DGKG: variants seen among roughly 807,000 people sequenced by gnomAD.
DGKG encodes diacylglycerol kinase gamma.
DGKG carries 78 observed loss-of-function variants against 105.3 expected under a neutral mutation model. The observed-to-expected ratio is 0.74, with a 90% CI of 0.62 to 0.89. The LOEUF (loss-of-function observed/expected upper bound fraction) is 0.89. Among genes scored for constraint, DGKG ranks in the 40% least tolerant of loss-of-function variants. The pLI is 0.00. For missense variants in DGKG, 958 were observed against 1,020.1 expected, an observed-to-expected ratio of 0.94 and a Z score of 0.83; for synonymous variants, 346 against 367.1, an observed-to-expected ratio of 0.94 and a Z score of 0.66.
In DGKG at chr3:186,361,348, A is replaced by C. The variant is rs1727219486; in HGVS notation, c.-249+598T>G. ...TACGCACTCCTCAGGACACAAGCAC[A>C]CACACGGACACATCTTGTGACTCTG... On this transcript the variant is annotated intron_variant, in intron 1 of 24. Transcript: ENST00000265022. This position sits in a 1 kb window ranked among gnomAD's most constrained non-coding sequence, Gnocchi z 6.8. Among the ~76,000 whole-genome samples the C allele has an allele frequency of 6.6e-6, 1 of 151,980 alleles. No individual in the cohort carries two copies. The highest frequency in any genetic ancestry group is 3.2e-3 in the Middle Eastern group (1 of 316).
chr3:186,292,810 A>T (rs930069935), intron 5 of DGKG, among the ~76,000 whole-genome samples: 8 of 152,032 alleles, frequency 5.3e-5, no homozygotes, highest in African/African-American at 1.9e-4. Context: ...TCCATCTCAA[A>T]AAAAAAAAGA....
chr3:186,304,362 C>T (rs1014720074), intron 3 of DGKG, among the ~76,000 whole-genome samples: 4 of 152,234 alleles, frequency 2.6e-5, no homozygotes, highest in African/African-American at 9.6e-5. Flanking sequence ...CCTGTTCTGG[C>T]AACCTTCTTC....
intron 17 of DGKG, among the ~76,000 whole-genome samples, chr3:186,254,428 T>G (rs1422031077): frequency 3.9e-5 from 6 of 152,124 alleles, no homozygotes; most frequent in Admixed American, 3.9e-4. Flanking sequence ...AGAACATGTG[T>G]TCAGAGCACT....
chr3:186,328,225 G>A (rs1725440323), intron 1 of DGKG, among the ~76,000 whole-genome samples: 1 of 152,274 alleles, frequency 6.6e-6, no homozygotes, highest in Non-Finnish European at 1.5e-5. Flanking sequence ...GAGCAAATTT[G>A]CCTGTTCTCC....
At chr3:186,292,841 T>C (rs941908738) in intron 5 of DGKG, among the ~76,000 whole-genome samples, 2 of 151,878 alleles carry the variant, frequency 1.3e-5, no homozygotes, top group Non-Finnish European at 2.9e-5. Flanking sequence ...TCCCAGATTA[T>C]CTATACAATA....
chr3:186,345,204 G>C (rs558170070), intron 1 of DGKG, among the ~76,000 whole-genome samples: 39 of 152,050 alleles, frequency 2.6e-4, no homozygotes, highest in Non-Finnish European at 5.1e-4. Flanking sequence ...TCAATAAAAT[G>C]ACTTCTGCTT....
intron 21 of DGKG, among the ~76,000 whole-genome samples, chr3:186,206,745 C>CA (rs889732338): frequency 3.3e-5 from 5 of 149,960 alleles, no homozygotes; most frequent in African/African-American, 1.3e-4. Context: ...ATGCTGGCTT[C>CA]TTTTTTGTTT....
chr3:186,278,140 C>T (rs1722668024), intron 9 of DGKG, among the ~76,000 whole-genome samples: 1 of 152,094 alleles, frequency 6.6e-6, no homozygotes, highest in Admixed American at 6.5e-5. Flanking sequence ...TGCCACAAGA[C>T]AGCGGGTCTT....
intron 1 of DGKG, among the ~76,000 whole-genome samples, chr3:186,347,486 A>G (rs1297829910): frequency 4.7e-5 from 7 of 150,512 alleles, no homozygotes; most frequent in Admixed American, 1.3e-4. Context: ...TGATTAAACC[A>G]TTCACACTTA....
chr3:186,288,208 CG>C (rs200342639), intron 6 of DGKG, among the ~76,000 whole-genome samples: 3 of 151,894 alleles, frequency 2.0e-5, no homozygotes, highest in Admixed American at 6.6e-5. Flanking sequence ...CTTGGGGTGG[CG>C]GGGGGGCATA....
At chr3:186,313,980 A>G (rs1724683357) in intron 2 of DGKG, among the ~76,000 whole-genome samples, 3 of 152,302 alleles carry the variant, frequency 2.0e-5, no homozygotes, top group East Asian at 3.9e-4. Flanking sequence ...GGTTCTACAT[A>G]TCAGCCCTAA....
chr3:186,212,527 T>G (rs1222566677), intron 20 of DGKG, among the ~76,000 whole-genome samples: 1 of 152,194 alleles, frequency 6.6e-6, no homozygotes, highest in Non-Finnish European at 1.5e-5. Flanking sequence ...ATGGCAATCC[T>G]TCAGTTAAGG....
chr3:186,251,984 T>G, intron 18 of DGKG, 65 bp from the exon 19 acceptor site: 4 of 1,468,102 alleles, frequency 2.7e-6, no homozygotes, highest in Non-Finnish European at 3.6e-6. Flanking sequence ...AATGCACAGG[T>G]AGTTGTCAGG....
intron 16 of DGKG, 103 bp downstream of exon 16, chr3:186,260,336 C>A: frequency 1.2e-6 from 1 of 822,820 alleles, no homozygotes; most frequent in Non-Finnish European, 2.0e-6. Context: ...CAGGAAGGAA[C>A]AAGTTGAGAG....
intron 22 of DGKG, among the ~76,000 whole-genome samples, chr3:186,187,308 C>T (rs568965704): frequency 2.0e-4 from 31 of 152,294 alleles, no homozygotes; most frequent in Middle Eastern, 3.4e-3. Flanking sequence ...GGTGGTGAGA[C>T]GTGGTTGAAT....
In DGKG at chr3:186,300,845, C is replaced by T. The variant is rs995844253; in HGVS notation, c.145-2616G>A. 7.2e-5 allele frequency among the ~76,000 whole-genome samples: 11 copies of T among 152,212 alleles called. No individual in the cohort carries two copies. The East Asian group carries it at 7.7e-4, about 11-fold the overall frequency. The stretch of plus-strand genomic sequence containing the variant: ...GATCAGCATGAGATTCAGGAAACCT[C>T]GTGACTGGTCTCAGACCAAGCGCAT... On this transcript the variant is annotated intron_variant, in intron 3 of 24. Transcript: ENST00000265022.
chr3:186,245,982 A>AT (rs761102314), intron 19 of DGKG, among the ~76,000 whole-genome samples: 8 of 152,106 alleles, frequency 5.3e-5, no homozygotes, highest in Non-Finnish European at 1.2e-4. Context: ...AAATTTTTTT[A>AT]TTTTTTTGAG....
intron 10 of DGKG, among the ~76,000 whole-genome samples, 169 bp from the exon 11 acceptor site, chr3:186,272,512 G>T: frequency 6.6e-6 from 1 of 152,160 alleles, no homozygotes; most frequent in East Asian, 1.9e-4. Flanking sequence ...GTCTCTAATT[G>T]TTCTTGGAGG....
intron 20 of DGKG, among the ~76,000 whole-genome samples, chr3:186,219,563 T>C (rs1719463553): frequency 6.6e-6 from 1 of 152,184 alleles, no homozygotes; most frequent in Admixed American, 6.6e-5. Context: ...TGGCTCGATG[T>C]GTTTCAGCTT....
Sources: gnomAD v4.1 joint callset for allele counts (sites outside exome capture counted in the v4.1 genomes callset) on GRCh38, gnomAD v4.1.1 for gene constraint, Gnocchi (gnomAD v3.1) non-coding constraint, MANE v1.5 for transcripts, NCBI Gene and HGNC (gene_info 2026-07-23, HGNC 2026-07-21) for gene names.